The following DYRK1A variants were observed in gnomAD, a reference collection of about 807,000 sequenced individuals.
DYRK1A encodes dual specificity tyrosine-phosphorylation-regulated kinase 1A.
A neutral mutation model predicts 79.7 loss-of-function variants in DYRK1A; 9 were observed. That is an observed-to-expected ratio of 0.11 (90% CI 0.07 to 0.20). The LOEUF (loss-of-function observed/expected upper bound fraction) is 0.20. DYRK1A is among the 10% of genes least tolerant of loss of function. The pLI, the probability that DYRK1A is intolerant of heterozygous loss-of-function variation, is 1.00. For missense variants in DYRK1A, 622 were observed against 956.0 expected (o/e 0.65, Z 4.61); for synonymous variants, 349 against 329.7 (o/e 1.06, Z -0.63).
At chr21:37,394,716 A>G (rs77059125) in intron 1 of DYRK1A, among the ~76,000 whole-genome samples, 1,626 of 152,284 alleles carry the variant, frequency 0.011, 13 homozygotes, top group Middle Eastern at 0.041. Flanking sequence ...GAAGAGTTTC[A>G]TTCTGAAACC....
chr21:37,477,826 G>T (rs904622683), intron 3 of DYRK1A, among the ~76,000 whole-genome samples: 3 of 152,132 alleles, frequency 2.0e-5, no homozygotes, highest in Admixed American at 6.5e-5. Flanking sequence ...TTGTGAACCT[G>T]GTCAGGTTTT....
chr21:37,376,340 C>G (rs1351541160), intron 1 of DYRK1A, among the ~76,000 whole-genome samples: 1 of 152,122 alleles, frequency 6.6e-6, no homozygotes, highest in Non-Finnish European at 1.5e-5. Context: ...AAACCCCCAT[C>G]TCTACTACAG....
At chr21:37,413,722 GGCC>G (rs1158005145) in intron 1 of DYRK1A, among the ~76,000 whole-genome samples, 1 of 152,060 alleles carries the variant, frequency 6.6e-6, no homozygotes, top group Non-Finnish European at 1.5e-5. Context: ...AGCGTCATTG[GGCC>G]ACCTCTTCTA....
intron 1 of DYRK1A, among the ~76,000 whole-genome samples, chr21:37,405,604 G>A (rs2050132965): frequency 1.3e-5 from 2 of 152,254 alleles, no homozygotes; most frequent in South Asian, 2.1e-4. Flanking sequence ...CTTAGGAAGC[G>A]TTACAGATAC....
intron 8 of DYRK1A, 134 bp downstream of exon 8, chr21:37,493,297 A>G: frequency 1.2e-6 from 1 of 800,632 alleles, no homozygotes; most frequent in East Asian, 2.6e-5. Flanking sequence ...CAGTTTGAAT[A>G]TACCTATTTT....
intron 1 of DYRK1A, chr21:37,368,158 C>T (rs1299433371): frequency 6.6e-6 from 1 of 152,498 alleles, no homozygotes; most frequent in Non-Finnish European, 1.5e-5. Context: ...CTCGGCGGCC[C>T]TGGGGGTCCG....
At chr21:37,474,203 T>A (rs1397038700) in intron 3 of DYRK1A, among the ~76,000 whole-genome samples, 1 of 152,222 alleles carries the variant, frequency 6.6e-6, no homozygotes, top group Non-Finnish European at 1.5e-5. Flanking sequence ...TACAGCGGGC[T>A]AGGAAAACTT....
chr21:37,482,101 T>G (rs1177538523), intron 5 of DYRK1A, among the ~76,000 whole-genome samples: 1 of 152,326 alleles, frequency 6.6e-6, no homozygotes, highest in East Asian at 1.9e-4. Flanking sequence ...TTTTTTTGTT[T>G]TCTTAAACTA....
At chr21:37,465,025 T>C in intron 2 of DYRK1A, among the ~76,000 whole-genome samples, 1 of 152,202 alleles carries the variant, frequency 6.6e-6, no homozygotes, top group East Asian at 1.9e-4. Context: ...AACTTAGGTT[T>C]ATTCTGAATT....
chr21:37,373,724 C>A (rs962021293), intron 1 of DYRK1A, among the ~76,000 whole-genome samples: 1 of 152,126 alleles, frequency 6.6e-6, no homozygotes, highest in Non-Finnish European at 1.5e-5. Flanking sequence ...TTCTTCATAC[C>A]CTATTGGTCA....
intron 1 of DYRK1A, among the ~76,000 whole-genome samples, chr21:37,379,364 A>C (rs2049611592): frequency 6.6e-6 from 1 of 152,210 alleles, no homozygotes; most frequent in Non-Finnish European, 1.5e-5. Flanking sequence ...CAACAGACCA[A>C]AGTGAGTATT....
chr21:37,404,789 T>C (rs899977694), intron 1 of DYRK1A, among the ~76,000 whole-genome samples: 2 of 152,224 alleles, frequency 1.3e-5, no homozygotes, highest in Admixed American at 6.5e-5. Flanking sequence ...TATTTTCTTG[T>C]ACAGAAGCAG....
At chr21:37,422,262 CCTTT>C (rs1304092082) in intron 2 of DYRK1A, among the ~76,000 whole-genome samples, 8 of 151,956 alleles carry the variant, frequency 5.3e-5, no homozygotes, top group Non-Finnish European at 1.2e-4. Flanking sequence ...TGGTGTATTC[CCTTT>C]CTAATAGTTT....
intron 1 of DYRK1A, among the ~76,000 whole-genome samples, chr21:37,381,465 T>C (rs2049657374): frequency 6.6e-6 from 1 of 152,202 alleles, no homozygotes; most frequent in South Asian, 2.1e-4. Flanking sequence ...AGTAGTTTAC[T>C]GAAATGGGGA....
At chr21:37,365,887 GAA>G (rs2049292177), upstream of DYRK1A, 1 of 152,186 alleles carries the variant, frequency 6.6e-6, no homozygotes, top group Admixed American at 6.5e-5. Flanking sequence ...TGCACTGCCT[GAA>G]AAAGTTTTCA....
At chr21:37,472,145 C>T (rs1449026332) in intron 2 of DYRK1A, among the ~76,000 whole-genome samples, 4 of 152,074 alleles carry the variant, frequency 2.6e-5, no homozygotes, top group South Asian at 2.1e-4. Context: ...AAGTTTAGTT[C>T]TGTGTTTTAT....
At chr21:37,473,250 G>A (rs2052289210) in intron 3 of DYRK1A, among the ~76,000 whole-genome samples, 1 of 152,040 alleles carries the variant, frequency 6.6e-6, no homozygotes, top group African/African-American at 2.4e-5. Flanking sequence ...AACCAATTTT[G>A]TGTTATTTTA....
intron 2 of DYRK1A, among the ~76,000 whole-genome samples, chr21:37,438,852 T>TA (rs2051003776): frequency 6.6e-6 from 1 of 152,232 alleles, no homozygotes; most frequent in Non-Finnish European, 1.5e-5. Flanking sequence ...GCTAATTTCT[T>TA]CAATAAAGTT....
intron 9 of DYRK1A, chr21:37,504,641 G>A (rs575674973): frequency 6.6e-6 from 1 of 152,342 alleles, no homozygotes; most frequent in East Asian, 1.9e-4. Context: ...TGTCAAAAAT[G>A]AGTTTTCAGG....
Sources: gnomAD v4.1 joint callset for allele counts (sites outside exome capture counted in the v4.1 genomes callset) on GRCh38, gnomAD v4.1.1 for gene constraint, MANE v1.5 for transcripts, NCBI Gene and HGNC (gene_info 2026-07-23, HGNC 2026-07-21) for gene names.